CDC37: variants seen among roughly 807,000 people sequenced by gnomAD.
CDC37 encodes the protein cell division cycle 37, HSP90 cochaperone.
Under a neutral mutation model 46.9 loss-of-function variants are expected in CDC37, and 9 were observed. The ratio of observed to expected loss-of-function variants is 0.19; its 90% CI spans 0.12 to 0.33. The LOEUF (loss-of-function observed/expected upper bound fraction) is 0.33. CDC37 is among the 10% of genes least tolerant of loss of function. The probability of loss-of-function intolerance (pLI) is 1.00; values close to 1 mark genes in which losing one functional copy is unlikely to be tolerated. For missense variants in CDC37, 388 were observed against 514.6 expected, an observed-to-expected ratio of 0.75 and a Z score of 2.38; for synonymous variants, 193 against 191.0, an observed-to-expected ratio of 1.01 and a Z score of -0.09.
chr19:10,395,675 T>TG (rs763095994), intron 2 of CDC37, 132 bp from the exon 3 acceptor site: 2 of 866,980 alleles, frequency 2.3e-6, no homozygotes. Flanking sequence ...AGCATCAAGG[T>TG]GGCGGGAGCG....
At position 10,393,047 on chromosome 19, in the gene CDC37, C is replaced by T. The variant is rs371418276; in HGVS notation, c.981+39G>A. The T allele has an allele frequency of 8.1e-5, 128 of 1,579,426 alleles. No homozygotes were observed. The Middle Eastern group carries it at 1.0e-3, about 12-fold the overall frequency. On this transcript the variant is annotated intron_variant, in intron 7 of 7. Transcript: ENST00000222005. This position sits in a 1 kb window ranked among gnomAD's most constrained non-coding sequence, Gnocchi z 4.9. ...GGGACACAGGGCTGGGGGAGACACA[C>T]GGCCCGCCGGGAAGGCATGGGGCGC...
intron 1 of CDC37, among the ~76,000 whole-genome samples, chr19:10,399,255 G>C (rs890364698): frequency 6.6e-6 from 1 of 151,840 alleles, no homozygotes; most frequent in Non-Finnish European, 1.5e-5. Context: ...GATCACCTGA[G>C]GTCAGGAGTT....
intron 2 of CDC37, 52 bp from the exon 3 acceptor site, chr19:10,395,595 C>G: frequency 7.1e-7 from 1 of 1,401,664 alleles, no homozygotes; most frequent in Non-Finnish European, 1.0e-6. Flanking sequence ...CGGAGCGCCT[C>G]GAGCGCGGCC....
chr19:10,395,261 C>A lies in CDC37; in HGVS notation c.570G>T (p.Leu190=). Residue 190 remains leucine, a synonymous_variant, in exon 4 of 8, where the codon CTG becomes CTT. Transcript: ENST00000222005. ...HLVCEETANY[L]VIWCIDLEVE... Reference sequence around the variant, plus strand: ...CCTCTAGGTCAATGCACCAAATGACCAGGTAATTGGCTGTCTCCTCGCACA... The same window carrying A: ...CCTCTAGGTCAATGCACCAAATGACAAGGTAATTGGCTGTCTCCTCGCACA... The A allele has an allele frequency of 1.2e-6, 2 of 1,614,110 alleles. No homozygotes were observed. Among genetic ancestry groups the A allele is most frequent in the Non-Finnish European group, 1.7e-6 (2 of 1,180,014 alleles).
chr19:10,402,632 G>A (rs996632415), intron 1 of CDC37, among the ~76,000 whole-genome samples: 5 of 152,258 alleles, frequency 3.3e-5, no homozygotes, highest in African/African-American at 1.2e-4. Flanking sequence ...CTGGTATAAT[G>A]GGAAATGGGT....
chr19:10,399,946 A>AAAAAAAAAAAAAAAAAAAAAAAAAAAC (rs2042510293), intron 1 of CDC37, among the ~76,000 whole-genome samples: 1 of 147,878 alleles, frequency 6.8e-6, no homozygotes. Flanking sequence ...AAAAAAAAAA[A>AAAAAAAAAAAAAAAAAAAAAAAAAAAC]AAAAAAAAAA....
In CDC37 at chr19:10,393,696, G is replaced by C; in HGVS notation, c.727-255C>G. 2.1e-6 allele frequency: 1 copy of C among 466,612 alleles called. No homozygotes were observed. Among genetic ancestry groups the C allele is most frequent in the South Asian group, 3.9e-5 (1 of 25,860 alleles). The allele number at this position is 466,612 out of a possible 1,614,324, so 28.9% of individuals were successfully genotyped here. A position where few individuals can be genotyped will look rare whatever the true frequency, so the allele number is the denominator to read the frequency against. On this transcript the variant is annotated intron_variant, in intron 5 of 7. Coordinates refer to ENST00000222005, the MANE Select transcript of CDC37 (RefSeq NM_007065.4). This position sits in a 1 kb window ranked among gnomAD's most constrained non-coding sequence, Gnocchi z 4.9. ...CTCATGTCCTCAGTGTCCCTGCATGGGCACCTCTAACTCAACATGGCCACC... is the reference window on the plus strand; with the variant it reads ...CTCATGTCCTCAGTGTCCCTGCATGCGCACCTCTAACTCAACATGGCCACC...
In CDC37 at chr19:10,398,742, C is replaced by G. The variant is rs1354945551; in HGVS notation, c.103-2539G>C. Among the ~76,000 whole-genome samples, 1 of 152,164 alleles carries G rather than the reference C, an allele frequency of 6.6e-6. No individual in the cohort carries two copies. Among genetic ancestry groups the G allele is most frequent in the African/African-American group, 2.4e-5 (1 of 41,444 alleles). On this transcript the variant is annotated intron_variant, in intron 1 of 7. Coordinates refer to ENST00000222005, the MANE Select transcript of CDC37 (RefSeq NM_007065.4). This position sits in a 1 kb window ranked among gnomAD's most constrained non-coding sequence, Gnocchi z 4.2. ...CTCTGGGGCCTCAAAAAGGAAATGTCCTTCAAATGCTTAGTTTAATTTCTG... is the reference window on the plus strand; with the variant it reads ...CTCTGGGGCCTCAAAAAGGAAATGTGCTTCAAATGCTTAGTTTAATTTCTG...
chr19:10,403,047 G>A (rs1431839608), intron 1 of CDC37, among the ~76,000 whole-genome samples: 1 of 152,152 alleles, frequency 6.6e-6, no homozygotes, highest in African/African-American at 2.4e-5. Context: ...CTTTGAGGCA[G>A]AGTTCTGGGT....
At chr19:10,400,379 A>C (rs1272170849) in intron 1 of CDC37, among the ~76,000 whole-genome samples, 1 of 152,156 alleles carries the variant, frequency 6.6e-6, no homozygotes, top group Non-Finnish European at 1.5e-5. Context: ...CCGCTTCTGG[A>C]AACTTTGAAA....
At chr19:10,395,855 G>A (rs2042487875) in intron 2 of CDC37, 73 bp downstream of exon 2, 5 of 1,487,694 alleles carry the variant, frequency 3.4e-6, no homozygotes, top group Admixed American at 3.5e-5. Flanking sequence ...ACCAGGCATT[G>A]GGTGCGCATG....
At position 10,396,906 on chromosome 19, in the gene CDC37, C is replaced by T. The variant is rs75608078; in HGVS notation, c.103-703G>A. 5.1e-4 allele frequency among the ~76,000 whole-genome samples: 77 copies of T among 152,258 alleles called. No individual in the cohort carries two copies. The highest frequency in any genetic ancestry group is 1.8e-3 in the African/African-American group (74 of 41,554). On this transcript the variant is annotated intron_variant, in intron 1 of 7. Transcript: ENST00000222005. The surrounding 1 kb of genome is among the most constrained non-coding windows in gnomAD (Gnocchi z 5.9). ...TTTCTTGAACCTCAAGGCCTTCGCA[C>T]TGGCTGTTCCAACTACTTGGAATGC...
At chr19:10,403,251 C>A in intron 1 of CDC37, 127 bp downstream of exon 1, 1 of 697,050 alleles carries the variant, frequency 1.4e-6, no homozygotes, top group South Asian at 1.7e-5. Flanking sequence ...AATCGAAGCT[C>A]CTGAAAATCC....
intron 1 of CDC37, among the ~76,000 whole-genome samples, chr19:10,402,577 G>C (rs1321210800): frequency 2.6e-5 from 4 of 152,130 alleles, no homozygotes; most frequent in Admixed American, 6.6e-5. Context: ...TACCAAGTAG[G>C]AGCAGGGGCT....
chr19:10,396,109 C>T lies in CDC37; in HGVS notation c.197G>A (p.Arg66Lys). 1 of 1,614,122 alleles carries T rather than the reference C, an allele frequency of 6.2e-7. No individual in the cohort carries two copies. The highest frequency in any genetic ancestry group is 8.5e-7 in the Non-Finnish European group (1 of 1,180,002). The change falls in exon 2 of 8, where the codon AGG (arginine) becomes AAG (lysine). Residue 66 changes from arginine (R) to lysine (K), a missense_variant. By Grantham distance (26) the Arg-to-Lys change is conservative (BLOSUM62 2). Around this residue, in one of 2 missense-constraint regions of CDC37, gnomAD observed 374 missense variants for 467.4 expected, o/e 0.80. Coordinates refer to ENST00000222005, the MANE Select transcript of CDC37 (RefSeq NM_007065.4). The surrounding 1 kb of genome is among the most constrained non-coding windows in gnomAD (Gnocchi z 5.9). ...ECKRKVAECQ[R>K]KLKELEVAEG... ...GGCCACCTCCAGCTCCTTCAGTTTC[C>T]TCTGGCACTCGGCCACCTTGCGCTT...
rs2042484078 is a variant in CDC37 at position 10,395,563 on chromosome 19, G to A, written c.379-20C>T. ...CATGCTCTGTGGTAGGGTGAGAGGG[G>A]GAGTGGGCTGGGGCAAGGCTGCGGA... is the stretch of plus-strand genomic sequence containing the variant. On this transcript the variant is annotated intron_variant, in intron 2 of 7. Coordinates refer to ENST00000222005, the MANE Select transcript of CDC37 (RefSeq NM_007065.4). 6.3e-7 allele frequency: 1 copy of A among 1,579,774 alleles called. No individual in the cohort carries two copies. Among genetic ancestry groups the A allele is most frequent in the Non-Finnish European group, 8.7e-7 (1 of 1,148,590 alleles).
At chr19:10,391,741 G>A (rs747253462) in intron 7 of CDC37, 35 bp from the exon 8 acceptor site, 24 of 1,601,108 alleles carry the variant, frequency 1.5e-5, no homozygotes, top group South Asian at 2.2e-5. Context: ...AGGTGGGGCC[G>A]CCAGCCGGTG....
At chr19:10,395,842 C>G (rs2042487699) in intron 2 of CDC37, 86 bp downstream of exon 2, 9 of 1,493,230 alleles carry the variant, frequency 6.0e-6, no homozygotes, top group African/African-American at 1.4e-5. Context: ...GGGTCCTCCC[C>G]TGACCAGGCA....
chr19:10,395,626 GC>G, intron 2 of CDC37, 83 bp from the exon 3 acceptor site: 1 of 1,103,400 alleles, frequency 9.1e-7, no homozygotes, highest in Non-Finnish European at 1.4e-6. Context: ...TGGTCGCAGC[GC>G]CCATCCCATC....
Sources: allele counts gnomAD v4.1 joint callset (sites outside exome capture counted in the v4.1 genomes callset), GRCh38; gene constraint gnomAD v4.1.1; regional missense constraint gnomAD v4.1.1; non-coding constraint Gnocchi (gnomAD v3.1); transcripts MANE v1.5; gene names NCBI Gene and HGNC (gene_info 2026-07-23, HGNC 2026-07-21).